The following MAP2 variants were observed in gnomAD, a reference collection of about 807,000 sequenced individuals.
MAP2 encodes microtubule-associated protein 2.
In MAP2, 14 loss-of-function variants were observed where a neutral mutation model predicts 137.6. The observed-to-expected ratio is 0.10, with a 90% CI of 0.07 to 0.16. The LOEUF is 0.16. Ranked by LOEUF, MAP2 falls within the 10% of genes least tolerant of loss-of-function variation. MAP2 has a pLI of 1.00. For synonymous variants in MAP2, 786 were observed against 782.3 expected, an observed-to-expected ratio of 1.00 and a Z score of -0.08; for missense variants, 2,088 against 2,191.5, an observed-to-expected ratio of 0.95 and a Z score of 0.94.
At chr2:209,502,040 G>T (rs547451405) in intron 1 of MAP2, among the ~76,000 whole-genome samples, 2 of 152,182 alleles carry the variant, frequency 1.3e-5, no homozygotes, top group South Asian at 4.1e-4. Context: ...ACAGTGAATT[G>T]ATTACTAGAG....
chr2:209,516,077 G>A (rs2062456039), intron 2 of MAP2, among the ~76,000 whole-genome samples: 1 of 152,152 alleles, frequency 6.6e-6, no homozygotes, highest in Admixed American at 6.5e-5. Context: ...TTACAGGCGT[G>A]AGCCACTGCA....
chr2:209,449,558 A>G (rs1452009226), intron 1 of MAP2, among the ~76,000 whole-genome samples: 1 of 148,576 alleles, frequency 6.7e-6, no homozygotes, highest in Non-Finnish European at 1.5e-5. Flanking sequence ...AACTTGTTAT[A>G]TATATATAAA....
chr2:209,653,616 T>A (rs2094943603), intron 5 of MAP2, among the ~76,000 whole-genome samples, 184 bp downstream of exon 5: 1 of 152,190 alleles, frequency 6.6e-6, no homozygotes, highest in African/African-American at 2.4e-5. Context: ...CCCCACATTA[T>A]CTGTATTCTC....
chr2:209,541,634 T>G (rs2067061916), intron 2 of MAP2, among the ~76,000 whole-genome samples: 1 of 144,320 alleles, frequency 6.9e-6, no homozygotes, highest in Non-Finnish European at 1.5e-5. Context: ...TTCTAAATCC[T>G]TTGTTGTTAT....
chr2:209,690,558 G>A (rs1156810395), intron 7 of MAP2: 8 of 1,228,928 alleles, frequency 6.5e-6, no homozygotes, highest in Non-Finnish European at 8.3e-6. Flanking sequence ...GTCGTTTCAT[G>A]TATTGTTCTG....
chr2:209,598,711 T>G (rs1455766461), intron 3 of MAP2, among the ~76,000 whole-genome samples: 1 of 151,002 alleles, frequency 6.6e-6, no homozygotes, highest in Non-Finnish European at 1.5e-5. Flanking sequence ...GGTTTTTTGT[T>G]CTTGCAATAG....
intron 4 of MAP2, among the ~76,000 whole-genome samples, chr2:209,649,301 G>C (rs1429718984): frequency 6.6e-6 from 1 of 152,054 alleles, no homozygotes; most frequent in Non-Finnish European, 1.5e-5. Context: ...ACAGGCAAGA[G>C]CAACTATGCC....
chr2:209,606,522 C>T (rs2084816160), intron 3 of MAP2, among the ~76,000 whole-genome samples: 1 of 151,214 alleles, frequency 6.6e-6, no homozygotes, highest in Admixed American at 6.6e-5. Flanking sequence ...TAAACCTTGT[C>T]TCAAAAAAAG....
intron 1 of MAP2, among the ~76,000 whole-genome samples, chr2:209,460,997 C>T (rs1161541000): frequency 6.6e-6 from 1 of 152,106 alleles, no homozygotes; most frequent in Non-Finnish European, 1.5e-5. Flanking sequence ...GATCCACCTA[C>T]CTCAGCCTCC....
chr2:209,717,770 G>A (rs2068308552), intron 13 of MAP2, among the ~76,000 whole-genome samples: 1 of 152,074 alleles, frequency 6.6e-6, no homozygotes, highest in Non-Finnish European at 1.5e-5. Context: ...ATGACAAAAG[G>A]GCAATGGGAG....
intron 2 of MAP2, among the ~76,000 whole-genome samples, chr2:209,518,245 GA>G (rs2062796352): frequency 6.6e-6 from 1 of 151,712 alleles, no homozygotes; most frequent in Non-Finnish European, 1.5e-5. Context: ...ACAGTCAAGA[GA>G]GGGGAAAACT....
rs1003528081 is a variant in MAP2, at chr2:209,597,103, T to C, written c.-107+17003T>C. On this transcript the variant is annotated intron_variant, in intron 3 of 15. Transcript: ENST00000682079. ...TACTTAAATGGAGTAAGTGTGCTCT[T>C]TGCCACTTCTTCCTCCTTTCTTCTA... is the stretch of plus-strand genomic sequence containing the variant. Among the ~76,000 whole-genome samples the C allele has an allele frequency of 5.3e-5, 8 of 152,174 alleles. 1 individual carries two copies. The South Asian group carries it at 1.7e-3, about 32-fold the overall frequency.
chr2:209,581,983 C>T (rs1342352933), intron 3 of MAP2, among the ~76,000 whole-genome samples: 1 of 152,008 alleles, frequency 6.6e-6, no homozygotes, highest in Non-Finnish European at 1.5e-5. Context: ...AATTTGACTA[C>T]TAGAGTCAAA....
chr2:209,494,337 CTGTT>C (rs763298446), intron 1 of MAP2, among the ~76,000 whole-genome samples: 1 of 151,714 alleles, frequency 6.6e-6, no homozygotes, highest in African/African-American at 2.4e-5. Flanking sequence ...ATGTAGATGA[CTGTT>C]TGATGGGTGC....
chr2:209,495,910 C>G (rs2059697202), intron 1 of MAP2, among the ~76,000 whole-genome samples: 1 of 152,162 alleles, frequency 6.6e-6, no homozygotes, highest in Admixed American at 6.5e-5. Context: ...TTTCTAGTTA[C>G]TGCATCACCT....
intron 3 of MAP2, among the ~76,000 whole-genome samples, chr2:209,600,715 G>A (rs1428950332): frequency 2.6e-5 from 4 of 152,198 alleles, no homozygotes; most frequent in East Asian, 1.9e-4. Flanking sequence ...TTGTAGGGCT[G>A]ACAGAGCCAG....
At chr2:209,583,512 G>A (rs2077005040) in intron 3 of MAP2, among the ~76,000 whole-genome samples, 1 of 151,584 alleles carries the variant, frequency 6.6e-6, no homozygotes, top group South Asian at 2.1e-4. Context: ...AATGGCAGAA[G>A]AATGTTCAAG....
chr2:209,668,551 A>G (rs1208311749), intron 5 of MAP2, among the ~76,000 whole-genome samples: 1 of 152,008 alleles, frequency 6.6e-6, no homozygotes, highest in Non-Finnish European at 1.5e-5. Flanking sequence ...ATTCTAGAAT[A>G]TTTTTGACAT....
At chr2:209,449,406 C>T (rs1014007742) in intron 1 of MAP2, among the ~76,000 whole-genome samples, 5 of 152,204 alleles carry the variant, frequency 3.3e-5, no homozygotes, top group East Asian at 1.9e-4. Context: ...TTAGAGAATG[C>T]GTTTCCCTCT....
Sources: gnomAD v4.1 joint callset for allele counts (sites outside exome capture counted in the v4.1 genomes callset) on GRCh38, gnomAD v4.1.1 for gene constraint, MANE v1.5 for transcripts, NCBI Gene and HGNC (gene_info 2026-07-23, HGNC 2026-07-21) for gene names.